Variants in TMC3 observed in about 807,000 individuals in gnomAD.
TMC3 encodes transmembrane channel like 3.
A neutral mutation model predicts 110.6 loss-of-function variants in TMC3; 98 were observed. The ratio of observed to expected loss-of-function variants is 0.89; its 90% CI spans 0.75 to 1.05. The LOEUF (loss-of-function observed/expected upper bound fraction) is 1.05, where lower values mean the gene tolerates loss of function less well. Ranked by LOEUF, TMC3 falls within the 50% of genes least tolerant of loss-of-function variation. The pLI is 0.00. For synonymous variants in TMC3, 489 were observed against 513.1 expected, an observed-to-expected ratio of 0.95 and a Z score of 0.63; for missense variants, 1,319 against 1,373.2, an observed-to-expected ratio of 0.96 and a Z score of 0.62.
intron 11 of TMC3, 74 bp downstream of exon 11, chr15:81,349,384 A>G: frequency 1.1e-6 from 1 of 912,072 alleles, no homozygotes; most frequent in Non-Finnish European, 1.5e-6. Flanking sequence ...CTGGCTCTTG[A>G]GGCACTTACA....
At chr15:81,343,433 T>G in intron 14 of TMC3, 88 bp from the exon 15 acceptor site, 2 of 852,628 alleles carry the variant, frequency 2.3e-6, no homozygotes, top group South Asian at 1.4e-5. Flanking sequence ...ATAGACTTCT[T>G]TGCTCTTATG....
chr15:81,337,891 C>T lies in TMC3; in HGVS notation c.2115G>A (p.Arg705=), dbSNP rs1278783948. Residue 705 remains arginine, a synonymous_variant, in exon 19 of 22, where the codon CGG becomes CGA. Coordinates refer to ENST00000359440, the MANE Select transcript of TMC3 (RefSeq NM_001080532.3). ...MLIYYLQSIA[R]SLKLSNHQLK... is the part of the protein sequence containing the mutation. ...GCTGGTGGTTGCTGAGCTTTAGAGACCGTGCGATGCTCTGGAGATAATAGA... is the reference window on the plus strand; with the variant it reads ...GCTGGTGGTTGCTGAGCTTTAGAGATCGTGCGATGCTCTGGAGATAATAGA... 1 of 1,613,992 alleles carries T rather than the reference C, an allele frequency of 6.2e-7. No homozygotes were observed. Among genetic ancestry groups the T allele is most frequent in the African/African-American group, 1.3e-5 (1 of 75,024 alleles).
intron 3 of TMC3, 97 bp from the exon 4 acceptor site, chr15:81,362,398 C>A (rs1395617313): frequency 3.5e-6 from 3 of 852,204 alleles, no homozygotes; most frequent in East Asian, 2.8e-5. Context: ...CAGACACTCC[C>A]TCTGGTACCT....
chr15:81,347,500 A>C (rs1042175805), intron 11 of TMC3, among the ~76,000 whole-genome samples: 3 of 152,156 alleles, frequency 2.0e-5, no homozygotes, highest in African/African-American at 7.2e-5. Flanking sequence ...CATTTACAGT[A>C]CTGAGTACAA....
At chr15:81,362,454 C>G (rs974472533) in intron 3 of TMC3, among the ~76,000 whole-genome samples, 153 bp from the exon 4 acceptor site, 1 of 152,078 alleles carries the variant, frequency 6.6e-6, no homozygotes, top group African/African-American at 2.4e-5. Context: ...GCACTAGAAC[C>G]AAAGTAGCTC....
intron 7 of TMC3, among the ~76,000 whole-genome samples, 190 bp downstream of exon 7, chr15:81,357,959 C>A (rs1335066693): frequency 6.6e-6 from 1 of 152,148 alleles, no homozygotes; most frequent in Non-Finnish European, 1.5e-5. Context: ...AAAATGGATA[C>A]AGTTATGCCT....
At position 81,332,367 on chromosome 15, in the gene TMC3, C is replaced by T; in HGVS notation, c.*52G>A. ...CAGAAAGGGAGATGCCATGTGCTGG[C>T]CCAGCACTCCAACAGGGGCCTGACC... On this transcript the variant is annotated 3_prime_UTR_variant, in exon 22 of 22. Coordinates refer to ENST00000359440, the MANE Select transcript of TMC3 (RefSeq NM_001080532.3). 2 of 1,532,868 alleles carry T rather than the reference C, an allele frequency of 1.3e-6. No homozygotes were observed. Among genetic ancestry groups the T allele is most frequent in the Non-Finnish European group, 1.8e-6 (2 of 1,138,026 alleles). 95.0% of individuals were successfully genotyped at this position (1,532,868 alleles called of 1,614,324 possible). A position where few individuals can be genotyped will look rare whatever the true frequency, so the allele number is the denominator to read the frequency against.
At chr15:81,371,750 A>G (rs1439149267) in intron 2 of TMC3, among the ~76,000 whole-genome samples, 2 of 152,232 alleles carry the variant, frequency 1.3e-5, no homozygotes, top group East Asian at 1.9e-4. Flanking sequence ...TTGAATGTGC[A>G]AAAGTATCAA....
In TMC3 at chr15:81,337,845, C is replaced by A. The variant is rs759024045; in HGVS notation, c.2160+1G>T. The A allele has an allele frequency of 6.8e-6, 11 of 1,612,412 alleles. No homozygotes were observed. Among genetic ancestry groups the A allele is most frequent in the Non-Finnish European group, 8.5e-6 (10 of 1,178,560 alleles). ...AATAGCAAAGTTCATGAAATACTTG[C>A]GTTTTGGATCTGCATTTTGAGCTGG... On this transcript the variant is annotated splice_donor_variant, in intron 19 of 21. Transcript: ENST00000359440. LOFTEE classifies it high-confidence loss of function.
At chr15:81,349,394 A>T (rs1334121173) in intron 11 of TMC3, 64 bp downstream of exon 11, 2 of 1,087,082 alleles carry the variant, frequency 1.8e-6, no homozygotes, top group East Asian at 6.2e-5. Flanking sequence ...AGGCACTTAC[A>T]TTCCCACTGT....
Position 81,356,546 on chromosome 15 carries a change from G to A in TMC3, c.792C>T (p.Asn264=). ...AGAACACCCGCCAGCAGAAGGTATA[G>A]TTTTCATTGGAAGCACTGGCAAGAC... ...RTSLASASNE[N]YTFCWRVFCA... Residue 264 remains asparagine, a synonymous_variant, in exon 8 of 22, where the codon AAC becomes AAT. Coordinates refer to ENST00000359440, the MANE Select transcript of TMC3 (RefSeq NM_001080532.3). The A allele has an allele frequency of 6.3e-7, 1 of 1,585,126 alleles. No homozygotes were observed. Among genetic ancestry groups the A allele is most frequent in the South Asian group, 1.2e-5 (1 of 86,204 alleles).
intron 9 of TMC3, among the ~76,000 whole-genome samples, chr15:81,352,533 CTG>C (rs1390843856): frequency 1.8e-4 from 28 of 152,298 alleles, no homozygotes; most frequent in Admixed American, 1.7e-3. Flanking sequence ...AATTAAATGA[CTG>C]TTACTGGCTT....
At position 81,337,919 on chromosome 15, in the gene TMC3, A is replaced by G. The variant is rs765898026; in HGVS notation, c.2087T>C (p.Leu696Pro). 2 of 1,613,772 alleles carry G rather than the reference A, an allele frequency of 1.2e-6. No individual in the cohort carries two copies. Among genetic ancestry groups the G allele is most frequent in the Non-Finnish European group, 1.7e-6 (2 of 1,179,684 alleles). Reference sequence around the variant, plus strand: ...TGCGATGCTCTGGAGATAATAGATGAGCATGCTAGGACAGAACAACACAGG... The same window carrying G: ...TGCGATGCTCTGGAGATAATAGATGGGCATGCTAGGACAGAACAACACAGG... The part of the protein sequence containing the change: ...ILPAVLLLFM[L>P]IYYLQSIARS... Residue 696 changes from leucine to proline, a missense_variant, in exon 19 of 22, where the codon CTC becomes CCC. Physicochemically the swap from Leu to Pro is moderately conservative, Grantham distance 98. Coordinates refer to ENST00000359440, the MANE Select transcript of TMC3 (RefSeq NM_001080532.3).
intron 7 of TMC3, among the ~76,000 whole-genome samples, chr15:81,357,117 T>G (rs908041992): frequency 6.6e-6 from 1 of 152,040 alleles, no homozygotes; most frequent in Non-Finnish European, 1.5e-5. Flanking sequence ...TAATAAGCTC[T>G]CCTCTCCATC....
At chr15:81,338,029 C>T (rs1192651601) in intron 18 of TMC3, 105 bp from the exon 19 acceptor site, 2 of 858,534 alleles carry the variant, frequency 2.3e-6, no homozygotes, top group Admixed American at 3.9e-5. Flanking sequence ...GCTCCCAGGC[C>T]AGATGCGGGC....
At chr15:81,334,014 TGA>T (rs1893534764) in intron 21 of TMC3, among the ~76,000 whole-genome samples, 1 of 151,556 alleles carries the variant, frequency 6.6e-6, no homozygotes, top group African/African-American at 2.4e-5. Flanking sequence ...AAGTTCTTCC[TGA>T]TAAAGACTTG....
At position 81,334,759 on chromosome 15, in the gene TMC3, G is replaced by C; in HGVS notation, c.2420C>G (p.Pro807Arg). The change falls in exon 21 of 22, where the codon CCT (proline) becomes CGT (arginine). Residue 807 changes from proline to arginine, a missense_variant. By Grantham distance (103) the Pro-to-Arg change is moderately radical. Transcript: ENST00000359440. ...CTCTAGCCTGGATTTGGGGACCCCA[G>C]GGAGAGGTGAGCTAGGAGCCCTGTC... is the stretch of plus-strand genomic sequence containing the variant. ...PGDRAPSSPL[P>R]GVPKSRLEHE... 6.2e-7 allele frequency: 1 copy of C among 1,614,024 alleles called. No individual in the cohort carries two copies. Among genetic ancestry groups the C allele is most frequent in the Non-Finnish European group, 8.5e-7 (1 of 1,179,882 alleles).
At chr15:81,337,634 G>A in intron 19 of TMC3, 1 of 611,502 alleles carries the variant, frequency 1.6e-6, no homozygotes, top group Non-Finnish European at 2.9e-6. Context: ...AGAAAAACAG[G>A]AGCAGGCTTC....
intron 11 of TMC3, among the ~76,000 whole-genome samples, chr15:81,348,596 C>A (rs929216563): frequency 2.0e-5 from 3 of 152,338 alleles, no homozygotes; most frequent in African/African-American, 7.2e-5. Flanking sequence ...GCTGTCACAG[C>A]CACTGACTGT....
Sources: gnomAD v4.1 joint callset for allele counts (sites outside exome capture counted in the v4.1 genomes callset) on GRCh38, gnomAD v4.1.1 for gene constraint, MANE v1.5 for transcripts, NCBI Gene and HGNC (gene_info 2026-07-23, HGNC 2026-07-21) for gene names.